Variants in EPS15 observed in about 807,000 individuals in gnomAD.
EPS15 encodes epidermal growth factor receptor substrate 15.
Under a neutral mutation model 113.8 loss-of-function variants are expected in EPS15, and 72 were observed. The ratio of observed to expected loss-of-function variants is 0.63; its 90% CI spans 0.52 to 0.77. The LOEUF is 0.77. EPS15 is among the 30% of genes least tolerant of loss of function. The pLI, the probability that EPS15 is intolerant of heterozygous loss-of-function variation, is 0.00. For missense variants in EPS15, 1,048 were observed against 1,045.8 expected (o/e 1.00, Z -0.03); for synonymous variants, 344 against 363.4 (o/e 0.95, Z 0.61).
chr1:51,476,690 T>A (rs1373990146), intron 2 of EPS15, among the ~76,000 whole-genome samples: 1 of 152,142 alleles, frequency 6.6e-6, no homozygotes, highest in Non-Finnish European at 1.5e-5. Flanking sequence ...TTTGTGTCTC[T>A]ATTTTCTTCA....
intron 21 of EPS15, among the ~76,000 whole-genome samples, chr1:51,374,765 T>C (rs1206013270): frequency 6.6e-6 from 1 of 152,018 alleles, no homozygotes; most frequent in Non-Finnish European, 1.5e-5. Flanking sequence ...AGATGGAGTC[T>C]CGCTCTGTTG....
chr1:51,446,453 C>CTTT (rs370161989), intron 10 of EPS15, among the ~76,000 whole-genome samples: 1 of 132,248 alleles, frequency 7.6e-6, no homozygotes, highest in Non-Finnish European at 1.6e-5. Context: ...CACTGTCATT[C>CTTT]TTTTTTTTTT....
At chr1:51,436,048 TGAAA>T (rs1652125572) in intron 12 of EPS15, among the ~76,000 whole-genome samples, 2 of 152,188 alleles carry the variant, frequency 1.3e-5, no homozygotes, top group South Asian at 4.1e-4. Context: ...GGAACAAAGC[TGAAA>T]TAGTAGATTC....
chr1:51,447,581 A>C (rs1452938416), intron 9 of EPS15, among the ~76,000 whole-genome samples: 1 of 152,162 alleles, frequency 6.6e-6, no homozygotes, highest in Non-Finnish European at 1.5e-5. Context: ...GCCTTGGACA[A>C]CCCAGAATTC....
At chr1:51,456,824 A>G (rs1654031300) in intron 8 of EPS15, among the ~76,000 whole-genome samples, 1 of 152,230 alleles carries the variant, frequency 6.6e-6, no homozygotes, top group Admixed American at 6.5e-5. Flanking sequence ...TATTTATTAA[A>G]GTAAAAGGAT....
intron 21 of EPS15, among the ~76,000 whole-genome samples, chr1:51,384,970 G>GT (rs1197899804): frequency 6.6e-6 from 1 of 152,180 alleles, no homozygotes; most frequent in Non-Finnish European, 1.5e-5. Flanking sequence ...ATACCTAAAT[G>GT]TAAGAGCTAA....
At chr1:51,442,847 A>G (rs995341856) in intron 11 of EPS15, among the ~76,000 whole-genome samples, 24 of 152,200 alleles carry the variant, frequency 1.6e-4, no homozygotes, top group Admixed American at 1.6e-3. Flanking sequence ...AGAAACTGAC[A>G]GTACAAGAAA....
intron 21 of EPS15, among the ~76,000 whole-genome samples, chr1:51,369,358 C>T (rs893297755): frequency 5.9e-5 from 9 of 152,106 alleles, no homozygotes; most frequent in African/African-American, 1.4e-4. Context: ...TCAGATCACG[C>T]GTAAGATACC....
At chr1:51,443,060 T>C (rs758967481) in intron 11 of EPS15, among the ~76,000 whole-genome samples, 46 of 152,180 alleles carry the variant, frequency 3.0e-4, no homozygotes, top group African/African-American at 4.8e-5. Context: ...GGTTAATAGA[T>C]AAGATAGCAG....
chr1:51,483,398 AGTGTGTGTGTGTGTGTGT>A (rs58892404), intron 1 of EPS15, among the ~76,000 whole-genome samples: 37 of 141,786 alleles, frequency 2.6e-4, no homozygotes, highest in Admixed American at 1.0e-3. Context: ...CAAGACTGCA[AGTGTGTGTGTGTGTGTGT>A]GTGTGTGTGT....
In EPS15 at chr1:51,508,218, GAAAAGAAAAGAAAAGAAA is replaced by G. The variant is rs1557536181; in HGVS notation, c.33+10963_33+10980del. On this transcript the variant is annotated intron_variant, in intron 1 of 24. Coordinates refer to ENST00000371733, the MANE Select transcript of EPS15 (RefSeq NM_001981.3). ...GAAAAGAAAAGAAAAGAAAAGAAAA[GAAAAGAAAAGAAAAGAAA>G]AGAAAGAGAGAAAGAGAGAGAGAGA... Among the ~76,000 whole-genome samples the G allele has an allele frequency of 3.8e-3, 367 of 95,686 alleles. 3 individuals carry two copies. The highest frequency in any genetic ancestry group is 0.013 in the African/African-American group (340 of 25,336). 62.8% of individuals were successfully genotyped at this position (95,686 alleles called of 152,430 possible).
chr1:51,493,657 C>T (rs1011891593), intron 1 of EPS15, among the ~76,000 whole-genome samples: 1 of 151,462 alleles, frequency 6.6e-6, no homozygotes, highest in Non-Finnish European at 1.5e-5. Context: ...CTCCCTCTGT[C>T]GCCCAGGCTG....
At chr1:51,415,471 C>T (rs1319277535) in intron 13 of EPS15, among the ~76,000 whole-genome samples, 1 of 152,106 alleles carries the variant, frequency 6.6e-6, no homozygotes, top group Non-Finnish European at 1.5e-5. Flanking sequence ...TAATGTCTCT[C>T]TATGTCTATT....
At chr1:51,489,286 C>CATATATATATATATATAT (rs71063034) in intron 1 of EPS15, among the ~76,000 whole-genome samples, 71 of 141,718 alleles carry the variant, frequency 5.0e-4, no homozygotes, top group African/African-American at 1.8e-3. Context: ...CCTAGTATAC[C>CATATATATATATATATAT]ATATATATAT....
intron 13 of EPS15, among the ~76,000 whole-genome samples, chr1:51,419,905 C>T (rs1188610267): frequency 1.3e-5 from 2 of 152,072 alleles, no homozygotes; most frequent in East Asian, 1.9e-4. Flanking sequence ...TAGATGTCAA[C>T]TATCCACATC....
chr1:51,358,709 G>GT (rs71063028), intron 24 of EPS15, among the ~76,000 whole-genome samples: 5,846 of 121,314 alleles, frequency 0.048, 264 homozygotes, highest in African/African-American at 0.11. Flanking sequence ...GTTTTTTTTT[G>GT]TTTTTTTTTT....
At chr1:51,384,294 C>CTTTTT (rs201374174) in intron 21 of EPS15, among the ~76,000 whole-genome samples, 38 of 98,496 alleles carry the variant, frequency 3.9e-4, no homozygotes, top group African/African-American at 6.4e-4. Flanking sequence ...CTTTTTCTTT[C>CTTTTT]TTTCTTTTTT....
chr1:51,356,917 G>C, intron 24 of EPS15, 71 bp from the exon 25 acceptor site: 13 of 1,406,696 alleles, frequency 9.2e-6, no homozygotes, highest in Non-Finnish European at 1.3e-5. Context: ...AGGAAAAATA[G>C]TTTTTACAAA....
At chr1:51,422,183 TGCTGG>T in intron 12 of EPS15, 1 of 453,104 alleles carries the variant, frequency 2.2e-6, no homozygotes. Flanking sequence ...CAATGAAAAT[TGCTGG>T]TAAAGAAAAG....
Sources: allele counts gnomAD v4.1 joint callset (sites outside exome capture counted in the v4.1 genomes callset), GRCh38; gene constraint gnomAD v4.1.1; transcripts MANE v1.5; gene names NCBI Gene and HGNC (gene_info 2026-07-23, HGNC 2026-07-21).